The following FERMT1 variants were observed in gnomAD, a reference collection of about 807,000 sequenced individuals.
FERMT1 encodes the protein FERM domain containing kindlin 1.
A neutral mutation model predicts 85.3 loss-of-function variants in FERMT1; 60 were observed. The observed-to-expected ratio is 0.70, with a 90% confidence interval of 0.57 to 0.87. The LOEUF is 0.87. FERMT1 is among the 40% of genes least tolerant of loss of function. FERMT1 has a pLI of 0.00. For missense variants in FERMT1, 701 were observed against 818.9 expected (o/e 0.86, Z 1.76); for synonymous variants, 275 against 301.1 (o/e 0.91, Z 0.90).
At chr20:6,094,878 C>T (rs1214869199) in intron 9 of FERMT1, 61 bp downstream of exon 9, 1 of 941,302 alleles carries the variant, frequency 1.1e-6, no homozygotes, top group Non-Finnish European at 1.8e-6. Flanking sequence ...TAAACTCCTG[C>T]ACTCTTTATC....
Position 6,088,958 on chromosome 20 carries a change from C to T in FERMT1, c.1264+7G>A. The T allele has an allele frequency of 6.2e-7, 1 of 1,609,636 alleles. No homozygotes were observed. The highest frequency in any genetic ancestry group is 8.5e-7 in the Non-Finnish European group (1 of 1,176,848). On this transcript the variant is annotated splice_region_variant and intron_variant, in intron 10 of 14. Transcript: ENST00000217289. The stretch of plus-strand genomic sequence containing the variant: ...ATGAGCCACAGCAAGATATAGGGTA[C>T]TCTTACCTCTAAGATTTAGTTTTTC...
In FERMT1 at chr20:6,096,857, A is replaced by G. The variant is rs767596342; in HGVS notation, c.1089+45T>C. 1.9e-6 allele frequency: 3 copies of G among 1,594,718 alleles called. No individual in the cohort carries two copies. In the Admixed American group the frequency reaches 5.0e-5, roughly 27 times the overall value. On this transcript the variant is annotated intron_variant, in intron 8 of 14. Coordinates refer to ENST00000217289, the MANE Select transcript of FERMT1 (RefSeq NM_017671.5). ...AAGAAAAGTTCATTTATACTTGTCA[A>G]TCAGAAGAAAGCCACAGTTCTGGGT...
intron 9 of FERMT1, among the ~76,000 whole-genome samples, chr20:6,091,227 C>CT (rs111352312): frequency 0.017 from 2,597 of 151,084 alleles, 75 homozygotes; most frequent in African/African-American, 0.06. Context: ...TAAGACAGTT[C>CT]TTTTTTTTGT....
At chr20:6,121,230 C>G (rs972345681) in intron 1 of FERMT1, among the ~76,000 whole-genome samples, 1 of 152,176 alleles carries the variant, frequency 6.6e-6, no homozygotes, top group African/African-American at 2.4e-5. Flanking sequence ...TCAAGCAATT[C>G]TCTGCCTCAG....
intron 2 of FERMT1, among the ~76,000 whole-genome samples, chr20:6,116,596 T>C (rs962081750): frequency 2.0e-5 from 3 of 151,674 alleles, no homozygotes; most frequent in African/African-American, 7.3e-5. Flanking sequence ...GGTGTGGTGG[T>C]GCGCACCTGT....
intron 6 of FERMT1, among the ~76,000 whole-genome samples, chr20:6,105,656 G>C (rs6053907): frequency 0.13 from 19,857 of 152,136 alleles, 1,719 homozygotes; most frequent in African/African-American, 0.25. Flanking sequence ...TTTAATATAA[G>C]TGTTTCATTT....
intron 9 of FERMT1, among the ~76,000 whole-genome samples, 187 bp downstream of exon 9, chr20:6,094,752 C>G (rs535496713): frequency 8.5e-5 from 13 of 152,154 alleles, no homozygotes; most frequent in Non-Finnish European, 1.9e-4. Flanking sequence ...TAATATATTG[C>G]TCAAGGTCAC....
rs116175000 is a variant in FERMT1 at position 6,089,129 on chromosome 20, A to T, written c.1140-40T>A. ...ATAGTGAATGTTTAAACCACCACCCAGAAATGTGGAACACGCTGCAGATTT... is the reference window on the plus strand; with the variant it reads ...ATAGTGAATGTTTAAACCACCACCCTGAAATGTGGAACACGCTGCAGATTT... On this transcript the variant is annotated intron_variant, in intron 9 of 14. Transcript: ENST00000217289. The T allele has an allele frequency of 6.2e-4, 996 of 1,599,812 alleles. 9 individuals are homozygous for T. The African/African-American group carries it at 0.012, about 20-fold the overall frequency.
chr20:6,116,332 A>G (rs1375256657), intron 2 of FERMT1, among the ~76,000 whole-genome samples: 1 of 152,214 alleles, frequency 6.6e-6, no homozygotes, highest in Non-Finnish European at 1.5e-5. Context: ...ACACACCTGC[A>G]TGTTCTGCAC....
chr20:6,101,946 G>A (rs1982670367), intron 6 of FERMT1, among the ~76,000 whole-genome samples: 1 of 152,096 alleles, frequency 6.6e-6, no homozygotes, highest in Non-Finnish European at 1.5e-5. Flanking sequence ...GTGAGCCACT[G>A]TGCCCGCCCT....
chr20:6,099,973 G>A (rs1982616865), intron 6 of FERMT1, among the ~76,000 whole-genome samples: 1 of 149,730 alleles, frequency 6.7e-6, no homozygotes, highest in African/African-American at 2.5e-5. Flanking sequence ...GTGACAGAGA[G>A]AGACTATCTC....
At chr20:6,091,968 ACT>A (rs1982383220) in intron 9 of FERMT1, among the ~76,000 whole-genome samples, 1 of 140,416 alleles carries the variant, frequency 7.1e-6, no homozygotes, top group South Asian at 2.2e-4. Flanking sequence ...ACAGGGTTTC[ACT>A]CTGTTGCCCA....
intron 10 of FERMT1, 75 bp from the exon 11 acceptor site, chr20:6,087,958 TAAAG>T: frequency 2.3e-6 from 2 of 876,446 alleles, no homozygotes; most frequent in Admixed American, 3.4e-5. Context: ...GTATCTGAAA[TAAAG>T]ACTTTGAATA....
chr20:6,122,793 A>G lies in FERMT1; in HGVS notation c.-38T>C, dbSNP rs938351405. 1 of 152,354 alleles carries G rather than the reference A, an allele frequency of 6.6e-6. No homozygotes were observed. Among genetic ancestry groups the G allele is most frequent in the Admixed American group, 6.5e-5 (1 of 15,286 alleles). 9.4% of individuals were successfully genotyped at this position (152,354 alleles called of 1,614,324 possible). ...ACCCACCTCCTTTCCAGGAGCCCGTAGCGTCCAGCCTCGCAGTCGCGCACG... is the reference window on the plus strand; with the variant it reads ...ACCCACCTCCTTTCCAGGAGCCCGTGGCGTCCAGCCTCGCAGTCGCGCACG... On this transcript the variant is annotated 5_prime_UTR_variant, in exon 1 of 15. Coordinates refer to ENST00000217289, the MANE Select transcript of FERMT1 (RefSeq NM_017671.5).
chr20:6,121,603 C>A (rs1983278927), intron 1 of FERMT1, among the ~76,000 whole-genome samples: 1 of 152,202 alleles, frequency 6.6e-6, no homozygotes, highest in African/African-American at 2.4e-5. Flanking sequence ...GTATGATGTG[C>A]TCTGTGTTAA....
chr20:6,111,345 A>G (rs1414824326), intron 4 of FERMT1, among the ~76,000 whole-genome samples: 2 of 152,104 alleles, frequency 1.3e-5, no homozygotes, highest in African/African-American at 2.4e-5. Flanking sequence ...AAAGCCCTCA[A>G]TCTTGGCCGG....
At chr20:6,096,323 A>G (rs535482435) in intron 8 of FERMT1, among the ~76,000 whole-genome samples, 1 of 152,218 alleles carries the variant, frequency 6.6e-6, no homozygotes, top group East Asian at 1.9e-4. Flanking sequence ...CCCTGGAGTT[A>G]GAGACCAGCC....
intron 4 of FERMT1, 49 bp from the exon 5 acceptor site, chr20:6,110,560 A>T (rs759413799): frequency 1.1e-5 from 15 of 1,390,540 alleles, no homozygotes; most frequent in Non-Finnish European, 1.1e-5. Context: ...CCAGGGATAT[A>T]AATCTTCAAG....
chr20:6,092,801 A>G (rs1982403395), intron 9 of FERMT1, among the ~76,000 whole-genome samples: 1 of 152,178 alleles, frequency 6.6e-6, no homozygotes, highest in South Asian at 2.1e-4. Flanking sequence ...CTACATGGGA[A>G]TTAAAATCCT....
Sources: allele counts gnomAD v4.1 joint callset (sites outside exome capture counted in the v4.1 genomes callset), GRCh38; gene constraint gnomAD v4.1.1; transcripts MANE v1.5; gene names NCBI Gene and HGNC (gene_info 2026-07-23, HGNC 2026-07-21).